MAGI2: variants seen among roughly 807,000 people sequenced by gnomAD.
MAGI2 encodes the protein membrane associated guanylate kinase, WW and PDZ domain containing 2, also known as membrane-associated guanylate kinase, WW and PDZ domain-containing protein 2.
A neutral mutation model predicts 133.3 loss-of-function variants in MAGI2; 35 were observed. That is an observed-to-expected ratio of 0.26 (90% CI 0.20 to 0.35). MAGI2 has a LOEUF of 0.35. Ranked by LOEUF, MAGI2 falls within the 10% of genes least tolerant of loss-of-function variation. The pLI is 1.00. For synonymous variants in MAGI2, 729 were observed against 710.6 expected (o/e 1.03, Z -0.41); for missense variants, 1,636 against 1,863.4 (o/e 0.88, Z 2.25).
At chr7:79,170,661 C>T (rs1218510500) in intron 1 of MAGI2, among the ~76,000 whole-genome samples, 2 of 152,066 alleles carry the variant, frequency 1.3e-5, no homozygotes, top group African/African-American at 2.4e-5. Context: ...TATTTCATAG[C>T]TGACTTAATT....
Position 79,335,899 on chromosome 7 carries a change from C to T in MAGI2, c.301+117121G>A, listed in dbSNP as rs1405306226. ...GCAACACTATATTTAAATATAATGACTTAATGTAATGTCTATCTTCTCTTC... is the reference window on the plus strand; with the variant it reads ...GCAACACTATATTTAAATATAATGATTTAATGTAATGTCTATCTTCTCTTC... On this transcript the variant is annotated intron_variant, in intron 1 of 21. Coordinates refer to ENST00000354212, the MANE Select transcript of MAGI2 (RefSeq NM_012301.4). Among the ~76,000 whole-genome samples the T allele has an allele frequency of 2.0e-5, 3 of 152,038 alleles. No individual in the cohort carries two copies. The South Asian group carries it at 6.2e-4, about 31-fold the overall frequency.
intron 9 of MAGI2, among the ~76,000 whole-genome samples, chr7:78,308,914 C>T (rs774406544): frequency 3.3e-5 from 5 of 152,238 alleles, no homozygotes; most frequent in African/African-American, 4.8e-5. Context: ...CAGTACACTA[C>T]GTGTAACGTA....
At chr7:79,020,185 C>T (rs1412906372) in intron 1 of MAGI2, among the ~76,000 whole-genome samples, 1 of 152,112 alleles carries the variant, frequency 6.6e-6, no homozygotes, top group Non-Finnish European at 1.5e-5. Flanking sequence ...AGATTGGAGG[C>T]ATTTTGTTCC....
At chr7:78,186,169 A>G (rs1051998532) in intron 12 of MAGI2, among the ~76,000 whole-genome samples, 5 of 152,182 alleles carry the variant, frequency 3.3e-5, no homozygotes, top group Admixed American at 2.0e-4. Context: ...GAAATTATGT[A>G]TAAGTAGTTG....
intron 20 of MAGI2, among the ~76,000 whole-genome samples, chr7:78,094,233 A>G (rs1583871441): frequency 6.6e-6 from 1 of 152,154 alleles, no homozygotes; most frequent in Non-Finnish European, 1.5e-5. Context: ...CCACTTCATG[A>G]TGCTTCCTCT....
At position 79,453,627 on chromosome 7, in the gene MAGI2, G is replaced by A. The variant is rs1849452476; in HGVS notation, c.-307C>T. 9 of 1,013,704 alleles carry A rather than the reference G, an allele frequency of 8.9e-6. No individual in the cohort carries two copies. Among genetic ancestry groups the A allele is most frequent in the Non-Finnish European group, 1.1e-5 (9 of 821,748 alleles). 62.8% of individuals were successfully genotyped at this position (1,013,704 alleles called of 1,614,324 possible). On this transcript the variant is annotated 5_prime_UTR_variant, in exon 1 of 22. Transcript: ENST00000354212. ...TGGTGGCGTCGGCGGCGGCGGCGGC[G>A]GCAGCCGGAGCGAGCAGTAGCCGAG...
At chr7:78,740,637 G>A (rs1354830794) in intron 2 of MAGI2, among the ~76,000 whole-genome samples, 1 of 152,176 alleles carries the variant, frequency 6.6e-6, no homozygotes, top group African/African-American at 2.4e-5. Flanking sequence ...CAGAAATTCA[G>A]TTCAGTTTTT....
intron 1 of MAGI2, among the ~76,000 whole-genome samples, chr7:79,446,568 G>A (rs1848867524): frequency 6.6e-6 from 1 of 152,096 alleles, no homozygotes; most frequent in Admixed American, 6.5e-5. Flanking sequence ...TCCCCAGGTA[G>A]AGCAAGCCAT....
chr7:78,149,638 T>A (rs3807693), intron 16 of MAGI2, among the ~76,000 whole-genome samples: 17,858 of 152,260 alleles, frequency 0.12, 1,083 homozygotes, highest in African/African-American at 0.14. Context: ...TTCTACTTCA[T>A]GTTATCTCAA....
At chr7:79,162,590 C>A (rs1290841312) in intron 1 of MAGI2, among the ~76,000 whole-genome samples, 1 of 152,042 alleles carries the variant, frequency 6.6e-6, no homozygotes, top group Non-Finnish European at 1.5e-5. Flanking sequence ...TATGTGTCAC[C>A]TTTGCATCCA....
chr7:79,096,653 C>T (rs1395511623), intron 1 of MAGI2, among the ~76,000 whole-genome samples: 2 of 152,196 alleles, frequency 1.3e-5, no homozygotes, highest in African/African-American at 4.8e-5. Context: ...ATCTAATATT[C>T]ATGTGATTCA....
intron 1 of MAGI2, among the ~76,000 whole-genome samples, chr7:79,056,769 A>G (rs1813184416): frequency 1.3e-5 from 2 of 152,232 alleles, no homozygotes; most frequent in Admixed American, 6.5e-5. Flanking sequence ...AGTATTCATT[A>G]GTGTTTATTA....
At chr7:79,154,254 T>C (rs1376916310) in intron 1 of MAGI2, among the ~76,000 whole-genome samples, 1 of 152,238 alleles carries the variant, frequency 6.6e-6, no homozygotes, top group African/African-American at 2.4e-5. Context: ...AGTCATTGAA[T>C]ATCAGTGATT....
At chr7:79,382,349 C>T (rs1843852403) in intron 1 of MAGI2, among the ~76,000 whole-genome samples, 1 of 151,582 alleles carries the variant, frequency 6.6e-6, no homozygotes. Flanking sequence ...TTATATTCTC[C>T]TGGAAGTATA....
chr7:79,170,647 T>C (rs1825443213), intron 1 of MAGI2, among the ~76,000 whole-genome samples: 1 of 152,164 alleles, frequency 6.6e-6, no homozygotes, highest in Admixed American at 6.5e-5. Context: ...CCTAAAGTTA[T>C]AGCTATTTCA....
intron 1 of MAGI2, among the ~76,000 whole-genome samples, chr7:79,387,754 T>C (rs144908076): frequency 6.6e-6 from 1 of 152,046 alleles, no homozygotes; most frequent in Non-Finnish European, 1.5e-5. Context: ...TATATTCTAA[T>C]TTCATAGTAG....
In MAGI2 at chr7:78,546,039, G is replaced by A. The variant is rs186773868; in HGVS notation, c.539-24394C>T. On this transcript the variant is annotated intron_variant, in intron 3 of 21. Coordinates refer to ENST00000354212, the MANE Select transcript of MAGI2 (RefSeq NM_012301.4). ...TATTCAAATTATCTAAAATAAAGAT[G>A]TTCATGTATTTGGGTACCCAAGGTT... is the stretch of plus-strand genomic sequence containing the variant. Among the ~76,000 whole-genome samples the A allele has an allele frequency of 1.3e-3, 204 of 152,202 alleles. 1 individual carries two copies. Among genetic ancestry groups the A allele is most frequent in the South Asian group, 1.5e-3 (7 of 4,822 alleles).
intron 6 of MAGI2, among the ~76,000 whole-genome samples, chr7:78,378,543 G>C (rs2151286093): frequency 6.6e-6 from 1 of 152,038 alleles, no homozygotes; most frequent in African/African-American, 2.4e-5. Flanking sequence ...ATCTCAGGAA[G>C]AACGAACACA....
rs1808089698 is a variant in MAGI2, at chr7:78,019,520, G to A, written c.4163C>T (p.Ala1388Val). Reference sequence around the variant, plus strand: ...GCCGCCGCCGCCCGGGCCGGCAAACGCCGGCGCAGCCCCCGGGCCTTCGCG... The same window carrying A: ...GCCGCCGCCGCCCGGGCCGGCAAACACCGGCGCAGCCCCCGGGCCTTCGCG... ...CRREGPGAAP[A>V]FAGPGGGGSG... is the part of the protein sequence containing the mutation. Residue 1388 changes from alanine to valine, a missense_variant, in exon 22 of 22, where the codon GCG becomes GTG. Ala to Val is a moderately conservative substitution (Grantham distance 64). Coordinates refer to ENST00000354212, the MANE Select transcript of MAGI2 (RefSeq NM_012301.4). The A allele has an allele frequency of 1.0e-6, 1 of 980,168 alleles. No individual in the cohort carries two copies. The highest frequency in any genetic ancestry group is 1.8e-5 in the African/African-American group (1 of 56,544). 60.7% of individuals were successfully genotyped at this position (980,168 alleles called of 1,614,324 possible). A position where few individuals can be genotyped will look rare whatever the true frequency, so the allele number is the denominator to read the frequency against.
Sources: gnomAD v4.1 joint callset for allele counts (sites outside exome capture counted in the v4.1 genomes callset) on GRCh38, gnomAD v4.1.1 for gene constraint, MANE v1.5 for transcripts, NCBI Gene and HGNC (gene_info 2026-07-23, HGNC 2026-07-21) for gene names.